CDK17: variants seen among roughly 807,000 people sequenced by gnomAD.
CDK17 encodes the protein cyclin dependent kinase 17.
CDK17 carries 24 observed loss-of-function variants against 77.6 expected under a neutral mutation model. The observed-to-expected ratio is 0.31, with a 90% CI of 0.22 to 0.44. The LOEUF is 0.44. Ranked by LOEUF, CDK17 falls within the 20% of genes least tolerant of loss-of-function variation. The pLI is 1.00. For missense variants in CDK17, 429 were observed against 622.5 expected, an observed-to-expected ratio of 0.69 and a Z score of 3.31; for synonymous variants, 203 against 210.4, an observed-to-expected ratio of 0.96 and a Z score of 0.30.
At chr12:96,352,741 G>A (rs1271834972) in intron 1 of CDK17, among the ~76,000 whole-genome samples, 1 of 152,156 alleles carries the variant, frequency 6.6e-6, no homozygotes, top group Admixed American at 6.5e-5. Context: ...TAAAAAATCA[G>A]AGACCAAGAA....
chr12:96,357,175 G>A (rs1953406638), intron 1 of CDK17, among the ~76,000 whole-genome samples: 1 of 152,158 alleles, frequency 6.6e-6, no homozygotes, highest in African/African-American at 2.4e-5. Context: ...TTAAAAGGAA[G>A]CTCAGGCCAG....
chr12:96,306,013 C>CCCACA (rs1952572214), intron 5 of CDK17, among the ~76,000 whole-genome samples: 20 of 152,180 alleles, frequency 1.3e-4, no homozygotes, highest in Admixed American at 1.3e-3. Flanking sequence ...TGAGCCACAA[C>CCCACA]ATCTGGCCCT....
chr12:96,287,172 TAGGAG>T (rs1367350143), intron 11 of CDK17, among the ~76,000 whole-genome samples: 1 of 152,146 alleles, frequency 6.6e-6, no homozygotes, highest in East Asian at 1.9e-4. Context: ...TATGGTAATC[TAGGAG>T]ATGACAGTGA....
At chr12:96,344,864 T>C (rs759429406) in intron 1 of CDK17, among the ~76,000 whole-genome samples, 2 of 152,222 alleles carry the variant, frequency 1.3e-5, no homozygotes, top group Admixed American at 6.5e-5. Flanking sequence ...ATGTGCAAGA[T>C]GAGCAGGCTT....
In CDK17 at chr12:96,300,369, T is replaced by TA; in HGVS notation, c.544-10dup. ...CCAAAGCCAATTTCTGACTGAAAAG[T>TA]AAACAATGAAAAATGTAGTATTTAC... On this transcript the variant is annotated splice_polypyrimidine_tract_variant and intron_variant, in intron 5 of 16. Transcript: ENST00000261211. The TA allele has an allele frequency of 6.6e-7, 1 of 1,524,728 alleles. No homozygotes were observed. Among genetic ancestry groups the TA allele is most frequent in the South Asian group, 1.2e-5 (1 of 84,374 alleles). The allele number at this position is 1,524,728 out of a possible 1,614,324, so 94.4% of individuals were successfully genotyped here.
At chr12:96,316,397 C>A (rs892761781) in intron 3 of CDK17, among the ~76,000 whole-genome samples, 3 of 149,154 alleles carry the variant, frequency 2.0e-5, no homozygotes, top group African/African-American at 7.5e-5. Flanking sequence ...CCGCCATTGC[C>A]CAGGCTTGCT....
chr12:96,377,869 A>G (rs941718711), intron 1 of CDK17, among the ~76,000 whole-genome samples: 1 of 151,854 alleles, frequency 6.6e-6, no homozygotes. Flanking sequence ...AATTTTTTGT[A>G]TTTTTAGTAG....
intron 1 of CDK17, among the ~76,000 whole-genome samples, chr12:96,384,598 T>A (rs146835912): frequency 6.6e-6 from 1 of 152,334 alleles, no homozygotes; most frequent in African/African-American, 2.4e-5. Context: ...TGAGACCTTG[T>A]TCTTTGCAGC....
At chr12:96,361,686 CCCTT>C (rs1953494806) in intron 1 of CDK17, among the ~76,000 whole-genome samples, 1 of 152,002 alleles carries the variant, frequency 6.6e-6, no homozygotes, top group Non-Finnish European at 1.5e-5. Flanking sequence ...GAAAGAATGA[CCCTT>C]CTGTCCTCTA....
chr12:96,327,230 T>C lies in CDK17; in HGVS notation c.119-3118A>G, dbSNP rs193020474. On this transcript the variant is annotated intron_variant, in intron 2 of 16. Transcript: ENST00000261211. ...AGGGTACAAGTATGGGTCCTTTCTA[T>C]ATAATCTTTGTAACTTCCTTTATAT... is the stretch of plus-strand genomic sequence containing the variant. 2.2e-4 allele frequency among the ~76,000 whole-genome samples: 33 copies of C among 152,326 alleles called. No individual in the cohort carries two copies. In the East Asian group the frequency reaches 5.0e-3, roughly 23 times the overall value.
At chr12:96,289,738 T>C (rs1952296493) in intron 10 of CDK17, among the ~76,000 whole-genome samples, 1 of 152,250 alleles carries the variant, frequency 6.6e-6, no homozygotes, top group African/African-American at 2.4e-5. Flanking sequence ...TACCATTTTT[T>C]ATCAAAAACT....
At chr12:96,326,665 T>A (rs1359600124) in intron 2 of CDK17, among the ~76,000 whole-genome samples, 1 of 152,206 alleles carries the variant, frequency 6.6e-6, no homozygotes, top group Non-Finnish European at 1.5e-5. Flanking sequence ...CCTGGTTCAG[T>A]AGGTCTGGTG....
chr12:96,388,356 C>G (rs1954011353), intron 1 of CDK17, among the ~76,000 whole-genome samples: 1 of 152,124 alleles, frequency 6.6e-6, no homozygotes. Context: ...CAATGCACAT[C>G]TTAGACTATT....
At chr12:96,332,949 G>A (rs559823079) in intron 2 of CDK17, among the ~76,000 whole-genome samples, 10 of 152,120 alleles carry the variant, frequency 6.6e-5, no homozygotes, top group South Asian at 6.2e-4. Flanking sequence ...TAAAACATAC[G>A]TTCATTTTCT....
chr12:96,317,209 G>A (rs571613243), intron 3 of CDK17, among the ~76,000 whole-genome samples: 7,368 of 148,704 alleles, frequency 0.05, 246 homozygotes, highest in East Asian at 0.12. Context: ...GGGTATCAGC[G>A]ATCGAAGATG....
At chr12:96,362,000 C>G (rs1224595807) in intron 1 of CDK17, among the ~76,000 whole-genome samples, 1 of 152,116 alleles carries the variant, frequency 6.6e-6, no homozygotes, top group Non-Finnish European at 1.5e-5. Context: ...CTGAGATGTA[C>G]TTAGTCTTTC....
At chr12:96,363,232 C>T (rs1250525221) in intron 1 of CDK17, among the ~76,000 whole-genome samples, 3 of 150,132 alleles carry the variant, frequency 2.0e-5, no homozygotes, top group African/African-American at 7.4e-5. Context: ...GGGAGGGTCA[C>T]CTGAGGTCAG....
intron 5 of CDK17, 30 bp from the exon 6 acceptor site, chr12:96,300,390 T>A: frequency 1.5e-6 from 2 of 1,310,586 alleles, no homozygotes. Context: ...AAATGTAGTA[T>A]TTACTTTTTT....
intron 10 of CDK17, among the ~76,000 whole-genome samples, chr12:96,291,904 A>C (rs1180461263): frequency 6.6e-6 from 1 of 152,046 alleles, no homozygotes; most frequent in Non-Finnish European, 1.5e-5. Flanking sequence ...ACTGCCATTC[A>C]TTTTGGGATT....
Sources: gnomAD v4.1 joint callset for allele counts (sites outside exome capture counted in the v4.1 genomes callset) on GRCh38, gnomAD v4.1.1 for gene constraint, MANE v1.5 for transcripts, NCBI Gene and HGNC (gene_info 2026-07-23, HGNC 2026-07-21) for gene names.